Variants in MYH10 observed in about 807,000 individuals in gnomAD.
MYH10 encodes the protein myosin-10.
MYH10 carries 55 observed loss-of-function variants against 257.8 expected under a neutral mutation model. That is an observed-to-expected ratio of 0.21 (90% confidence interval 0.17 to 0.27). The LOEUF is 0.27. MYH10 is among the 10% of genes least tolerant of loss of function. The pLI, the probability that MYH10 is intolerant of heterozygous loss-of-function variation, is 1.00. For synonymous variants in MYH10, 854 were observed against 921.7 expected, an observed-to-expected ratio of 0.93 and a Z score of 1.33; for missense variants, 1,631 against 2,500.6, an observed-to-expected ratio of 0.65 and a Z score of 7.42.
At position 8,523,694 on chromosome 17, in the gene MYH10, C is replaced by G. The variant is rs547530192; in HGVS notation, c.1958-2409G>C. 1.4e-4 allele frequency among the ~76,000 whole-genome samples: 21 copies of G among 152,236 alleles called. No individual in the cohort carries two copies. In the South Asian group the frequency reaches 4.4e-3, roughly 32 times the overall value. On this transcript the variant is annotated intron_variant, in intron 17 of 42. Coordinates refer to ENST00000360416, the MANE Select transcript of MYH10 (RefSeq NM_001256012.3). Reference sequence around the variant, plus strand: ...GGGGAGGCCAGACAGGTGACCCTTCCAGGAGTCCAGGGTCTAGGCGATGAG... The same window carrying G: ...GGGGAGGCCAGACAGGTGACCCTTCGAGGAGTCCAGGGTCTAGGCGATGAG...
intron 29 of MYH10, among the ~76,000 whole-genome samples, chr17:8,500,127 A>G (rs1917286219): frequency 6.6e-6 from 1 of 152,092 alleles, no homozygotes; most frequent in African/African-American, 2.4e-5. Flanking sequence ...TGACACAAAC[A>G]TAAATGTTCC....
Position 8,590,873 on chromosome 17 carries a change from C to CTTTT in MYH10, c.503-1769_503-1766dup, listed in dbSNP as rs398030291. Among the ~76,000 whole-genome samples the CTTTT allele has an allele frequency of 2.7e-3, 240 of 90,092 alleles. 43 individuals are homozygous for CTTTT. Among genetic ancestry groups the CTTTT allele is most frequent in the East Asian group, 5.0e-3 (14 of 2,814 alleles). The allele number at this position is 90,092 out of a possible 152,430, so 59.1% of individuals were successfully genotyped here. On this transcript the variant is annotated intron_variant, in intron 3 of 42. Coordinates refer to ENST00000360416, the MANE Select transcript of MYH10 (RefSeq NM_001256012.3). ...TCTCCCTCAGGTTTCTCAATGTCGC[C>CTTTT]TTTTTTTTTTTTTTTTTGAGATGGA...
intron 3 of MYH10, among the ~76,000 whole-genome samples, chr17:8,589,875 T>C (rs547427666): frequency 2.3e-4 from 35 of 152,334 alleles, no homozygotes; most frequent in Non-Finnish European, 3.8e-4. Flanking sequence ...TGAGTATTAC[T>C]ATCCCTATTT....
intron 14 of MYH10, among the ~76,000 whole-genome samples, chr17:8,538,332 A>G (rs978138646): frequency 2.0e-5 from 3 of 152,032 alleles, no homozygotes; most frequent in Non-Finnish European, 2.9e-5. Context: ...CAGCCTCCCG[A>G]GTAGCTGGGA....
At position 8,495,236 on chromosome 17, in the gene MYH10, C is replaced by G. The variant is rs1461939532; in HGVS notation, c.3957G>C (p.Glu1319Asp). 1.3e-6 allele frequency: 2 copies of G among 1,599,650 alleles called. No homozygotes were observed. The change falls in exon 31 of 43, where the codon GAG (glutamate) becomes GAC (aspartate). Residue 1319 changes from glutamate (E) to aspartate (D), a missense_variant. Physicochemically the swap from Glu to Asp is conservative, Grantham distance 45. Coordinates refer to ENST00000360416, the MANE Select transcript of MYH10 (RefSeq NM_001256012.3). ...CCAGAAGGGTGGAGACATTATCTAG[C>G]TCATTCTGTAAGGAGCAGAAGATTA... ...LAEKASKLQN[E>D]LDNVSTLLEE...
At chr17:8,578,844 A>G (rs1373519284) in intron 4 of MYH10, among the ~76,000 whole-genome samples, 1 of 152,116 alleles carries the variant, frequency 6.6e-6, no homozygotes, top group Non-Finnish European at 1.5e-5. Flanking sequence ...TTCAATATCT[A>G]ATTAATTTTT....
chr17:8,593,333 A>G (rs1264131673), intron 3 of MYH10, among the ~76,000 whole-genome samples: 1 of 152,010 alleles, frequency 6.6e-6, no homozygotes, highest in Non-Finnish European at 1.5e-5. Context: ...TAAGAAAACA[A>G]AATCCAAAGC....
At chr17:8,544,768 G>A (rs889364544) in intron 13 of MYH10, among the ~76,000 whole-genome samples, 3 of 152,222 alleles carry the variant, frequency 2.0e-5, no homozygotes, top group Non-Finnish European at 2.9e-5. Context: ...CTGAAACACC[G>A]TAGCAGGTGT....
rs1481241201 is a variant in MYH10, at chr17:8,569,523, C to CTTAT, written c.756+196_756+197insATAA. On this transcript the variant is annotated intron_variant, in intron 7 of 42. Transcript: ENST00000360416. The surrounding 1 kb of genome is among the most constrained non-coding windows in gnomAD (Gnocchi z 4.1). ...CTGTATGATAAAATGATGAAAGTTA[C>CTTAT]TTACACATTACCTTTTTTCTTTTCA... Among the ~76,000 whole-genome samples, 2 of 152,140 alleles carry CTTAT rather than the reference C, an allele frequency of 1.3e-5. No homozygotes were observed. Among genetic ancestry groups the CTTAT allele is most frequent in the African/African-American group, 4.8e-5 (2 of 41,420 alleles).
intron 2 of MYH10, among the ~76,000 whole-genome samples, chr17:8,621,045 T>G (rs1329669805): frequency 6.6e-6 from 1 of 152,210 alleles, no homozygotes; most frequent in African/African-American, 2.4e-5. Context: ...ACACCTGTCC[T>G]TTCTTTCATT....
In MYH10 at chr17:8,623,263, C is replaced by G; in HGVS notation, c.-17G>C. 6.4e-7 allele frequency: 1 copy of G among 1,555,692 alleles called. No homozygotes were observed. Among genetic ancestry groups the G allele is most frequent in the Non-Finnish European group, 8.7e-7 (1 of 1,154,076 alleles). ...CTGCGCCATTGTAAATGGAACGATC[C>G]AAAAGCAATTGCCTCTAAGAGAAGA... On this transcript the variant is annotated 5_prime_UTR_variant, in exon 2 of 43. Coordinates refer to ENST00000360416, the MANE Select transcript of MYH10 (RefSeq NM_001256012.3).
At chr17:8,529,260 G>A (rs1207008223) in intron 17 of MYH10, among the ~76,000 whole-genome samples, 1 of 152,210 alleles carries the variant, frequency 6.6e-6, no homozygotes, top group African/African-American at 2.4e-5. Context: ...CAGCGACTTA[G>A]TGATGTTTTG....
chr17:8,553,833 T>C, intron 8 of MYH10, 122 bp downstream of exon 8: 1 of 750,040 alleles, frequency 1.3e-6, no homozygotes. Context: ...CAAGGCATGC[T>C]ATCTCTGGGC....
chr17:8,494,351 A>G (rs1297893385), intron 31 of MYH10, among the ~76,000 whole-genome samples: 1 of 152,186 alleles, frequency 6.6e-6, no homozygotes, highest in Non-Finnish European at 1.5e-5. Context: ...AAGCACAAAC[A>G]TGTTTTTCCT....
At chr17:8,573,502 C>G (rs1456473647) in intron 6 of MYH10, among the ~76,000 whole-genome samples, 1 of 152,136 alleles carries the variant, frequency 6.6e-6, no homozygotes, top group Non-Finnish European at 1.5e-5. Context: ...TTGAAGGTAT[C>G]ATTTGTAGGG....
intron 7 of MYH10, among the ~76,000 whole-genome samples, chr17:8,563,176 A>C (rs1359794528): frequency 6.6e-6 from 1 of 152,258 alleles, no homozygotes; most frequent in Non-Finnish European, 1.5e-5. Flanking sequence ...TTCTAGGAGT[A>C]ATGAGCTAGC....
chr17:8,566,227 C>T (rs759457877), intron 7 of MYH10, among the ~76,000 whole-genome samples: 76 of 152,308 alleles, frequency 5.0e-4, no homozygotes, highest in Non-Finnish European at 8.4e-4. Flanking sequence ...ACCCTACATA[C>T]ATCAATGATG....
At chr17:8,560,841 C>G (rs1219196038) in intron 7 of MYH10, 3 of 572,442 alleles carry the variant, frequency 5.2e-6, no homozygotes, top group East Asian at 8.7e-5. Context: ...GGCTGGATGG[C>G]AAGCACAAGG....
In MYH10 at chr17:8,518,044, G is replaced by GTGTGTGTGTGTGT. The variant is rs2081527505; in HGVS notation, c.2504+586_2504+587insACACACACACACA. ...TGGCCCCGTGTGTGTGTGTGTGTGTGTGTGTGAGAAGCATTCTCTGAGGAC... is the reference window on the plus strand; with the variant it reads ...TGGCCCCGTGTGTGTGTGTGTGTGTGTGTGTGTGTGTGTTGTGTGAGAAGCATTCTCTGAGGAC... On this transcript the variant is annotated intron_variant, in intron 21 of 42. Transcript: ENST00000360416. Among the ~76,000 whole-genome samples the GTGTGTGTGTGTGT allele has an allele frequency of 1.3e-5, 2 of 149,712 alleles. 1 individual carries two copies. Among genetic ancestry groups the GTGTGTGTGTGTGT allele is most frequent in the South Asian group, 4.3e-4 (2 of 4,698 alleles).
Sources: allele counts gnomAD v4.1 joint callset (sites outside exome capture counted in the v4.1 genomes callset), GRCh38; gene constraint gnomAD v4.1.1; non-coding constraint Gnocchi (gnomAD v3.1); transcripts MANE v1.5; gene names NCBI Gene and HGNC (gene_info 2026-07-23, HGNC 2026-07-21).